The following LRRC20 variants were observed in gnomAD, a reference collection of about 807,000 sequenced individuals.
LRRC20 encodes the protein leucine-rich repeat-containing protein 20.
LRRC20 carries 11 observed loss-of-function variants against 14.4 expected under a neutral mutation model. The ratio of observed to expected loss-of-function variants is 0.77; its 90% CI spans 0.48 to 1.27. The LOEUF (loss-of-function observed/expected upper bound fraction) is 1.27, where lower values mean the gene tolerates loss of function less well. LRRC20 is among the 50% of genes most tolerant of loss of function. LRRC20 has a pLI of 0.00. For missense variants in LRRC20, 219 were observed against 251.2 expected (o/e 0.87, Z 0.87); for synonymous variants, 121 against 107.3 (o/e 1.13, Z -0.79).
chr10:70,367,756 G>A (rs926753698), intron 2 of LRRC20, among the ~76,000 whole-genome samples: 60 of 151,680 alleles, frequency 4.0e-4, no homozygotes, highest in African/African-American at 1.3e-3. Context: ...GTCTTGTTGT[G>A]GTTGGTTATA....
intron 4 of LRRC20, among the ~76,000 whole-genome samples, chr10:70,311,708 G>A (rs1841674459): frequency 6.6e-6 from 1 of 152,108 alleles, no homozygotes; most frequent in South Asian, 2.1e-4. Context: ...TCTGTTGCAA[G>A]GCCTCATGTC....
chr10:70,335,361 C>T (rs1025533588), intron 3 of LRRC20, among the ~76,000 whole-genome samples: 2 of 152,180 alleles, frequency 1.3e-5, no homozygotes, highest in African/African-American at 4.8e-5. Context: ...CCAGGCTGGC[C>T]GACTGGAGCA....
chr10:70,354,623 G>A (rs574065025), intron 2 of LRRC20, among the ~76,000 whole-genome samples: 7 of 152,246 alleles, frequency 4.6e-5, no homozygotes, highest in South Asian at 4.1e-4. Flanking sequence ...GCTGCTTCCT[G>A]TATTGATGAT....
intron 3 of LRRC20, among the ~76,000 whole-genome samples, chr10:70,336,986 G>A (rs1328937427): frequency 1.3e-5 from 2 of 152,200 alleles, no homozygotes; most frequent in Non-Finnish European, 2.9e-5. Context: ...GTGTGCCCTT[G>A]GCTTTCTCAT....
chr10:70,382,072 G>C (rs1844727079), intron 1 of LRRC20, among the ~76,000 whole-genome samples: 1 of 152,244 alleles, frequency 6.6e-6, no homozygotes, highest in Non-Finnish European at 1.5e-5. Flanking sequence ...AGTGATCGCA[G>C]AGGCCCCGGG....
At chr10:70,364,286 TC>T (rs1843878279) in intron 2 of LRRC20, among the ~76,000 whole-genome samples, 1 of 152,092 alleles carries the variant, frequency 6.6e-6, no homozygotes, top group Non-Finnish European at 1.5e-5. Flanking sequence ...GAAAAGCAGC[TC>T]CCACTCCAGT....
chr10:70,315,769 C>T (rs1215192576), intron 4 of LRRC20, among the ~76,000 whole-genome samples: 1 of 152,174 alleles, frequency 6.6e-6, no homozygotes, highest in African/African-American at 2.4e-5. Context: ...CGCTTCAGCC[C>T]ACTCCCAAAC....
chr10:70,318,336 G>A (rs1044300777), intron 4 of LRRC20, among the ~76,000 whole-genome samples: 4 of 152,222 alleles, frequency 2.6e-5, no homozygotes, highest in Admixed American at 1.3e-4. Flanking sequence ...CGATGCTGCT[G>A]CTGCTGGTCC....
At chr10:70,326,493 C>G (rs556105589) in intron 3 of LRRC20, among the ~76,000 whole-genome samples, 1 of 152,160 alleles carries the variant, frequency 6.6e-6, no homozygotes, top group Non-Finnish European at 1.5e-5. Flanking sequence ...CTCTTCTCCC[C>G]TCAGGAGGCA....
intron 2 of LRRC20, among the ~76,000 whole-genome samples, chr10:70,352,040 T>C (rs1259410135): frequency 6.6e-6 from 1 of 152,172 alleles, no homozygotes; most frequent in African/African-American, 2.4e-5. Flanking sequence ...AGTAAGCATA[T>C]TTAGGTGAAA....
rs370347709 is a variant in LRRC20, at chr10:70,301,454, C to T, written c.455G>A (p.Arg152His). Residue 152 changes from arginine (R) to histidine (H), a missense_variant, in exon 5 of 5, where the codon CGC becomes CAC. Physicochemically the swap from Arg to His is conservative, Grantham distance 29. Transcript: ENST00000446961. ...CACCTCGGCGTTGAGTGGGTTGAAG[C>T]GGAGGTTGATGCTGCGCAAGGCTGG... is the stretch of plus-strand genomic sequence containing the variant. ...AMPALRSINLRFNPLNAEVRV... is the reference protein window; with the variant it reads ...AMPALRSINLHFNPLNAEVRV... 7.4e-5 allele frequency: 119 copies of T among 1,614,052 alleles called. No homozygotes were observed. Among genetic ancestry groups the T allele is most frequent in the Middle Eastern group, 1.7e-4 (1 of 6,060 alleles).
chr10:70,335,508 A>G (rs1159691949), intron 3 of LRRC20, among the ~76,000 whole-genome samples: 1 of 152,168 alleles, frequency 6.6e-6, no homozygotes, highest in Non-Finnish European at 1.5e-5. Context: ...AGATGAGGGA[A>G]CTCATCGCTT....
intron 2 of LRRC20, among the ~76,000 whole-genome samples, chr10:70,376,244 C>T (rs10999304): frequency 0.073 from 11,052 of 152,328 alleles, 495 homozygotes; most frequent in Middle Eastern, 0.19. Context: ...GGCGCCATCA[C>T]TCAGTGGTTT....
intron 4 of LRRC20, among the ~76,000 whole-genome samples, chr10:70,306,222 G>A (rs577430017): frequency 7.9e-5 from 12 of 151,818 alleles, no homozygotes; most frequent in Admixed American, 2.6e-4. Flanking sequence ...TAGGAATTGG[G>A]ACATTCTCTT....
At chr10:70,378,806 C>A (rs1170183060) in intron 1 of LRRC20, among the ~76,000 whole-genome samples, 5 of 142,596 alleles carry the variant, frequency 3.5e-5, no homozygotes, top group Non-Finnish European at 7.5e-5. Context: ...ATTAGCCAGG[C>A]ATGGTCGCAC....
chr10:70,322,004 T>A (rs996317466), intron 4 of LRRC20, among the ~76,000 whole-genome samples: 5 of 152,202 alleles, frequency 3.3e-5, no homozygotes, highest in African/African-American at 1.2e-4. Context: ...CTAAGAGATA[T>A]TGTCAGCCTT....
chr10:70,369,761 T>C (rs1844191454), intron 2 of LRRC20, among the ~76,000 whole-genome samples: 1 of 152,078 alleles, frequency 6.6e-6, no homozygotes, highest in Admixed American at 6.6e-5. Context: ...ACCAGCAAAC[T>C]GTTTACCACG....
chr10:70,349,439 G>A (rs1007651991), intron 2 of LRRC20, among the ~76,000 whole-genome samples: 4 of 152,120 alleles, frequency 2.6e-5, no homozygotes, highest in South Asian at 2.1e-4. Context: ...GTAGTCGGTC[G>A]TGGTGGTGCG....
At chr10:70,340,897 T>C (rs1333312837) in intron 2 of LRRC20, among the ~76,000 whole-genome samples, 195 bp from the exon 3 acceptor site, 1 of 152,046 alleles carries the variant, frequency 6.6e-6, no homozygotes, top group Admixed American at 6.6e-5. Flanking sequence ...CTCACACCTG[T>C]CCCTCCCTTG....
Sources: gnomAD v4.1 joint callset for allele counts (sites outside exome capture counted in the v4.1 genomes callset) on GRCh38, gnomAD v4.1.1 for gene constraint, MANE v1.5 for transcripts, NCBI Gene and HGNC (gene_info 2026-07-23, HGNC 2026-07-21) for gene names.